CHL1: variants seen among roughly 807,000 people sequenced by gnomAD.
CHL1 encodes the protein cell adhesion molecule L1 like, also known as neural cell adhesion molecule L1-like protein.
Under a neutral mutation model 141.9 loss-of-function variants are expected in CHL1, and 96 were observed. The observed-to-expected ratio is 0.68, with a 90% CI of 0.57 to 0.80. The LOEUF is 0.80. Ranked by LOEUF, CHL1 falls within the 30% of genes least tolerant of loss-of-function variation. CHL1 has a pLI of 0.00. For synonymous variants in CHL1, 613 were observed against 502.2 expected, an observed-to-expected ratio of 1.22 and a Z score of -2.95; for missense variants, 1,820 against 1,457.2, an observed-to-expected ratio of 1.25 and a Z score of -4.05.
chr3:341,736 G>A (rs910331993), intron 6 of CHL1, among the ~76,000 whole-genome samples, 176 bp from the exon 7 acceptor site: 6 of 152,034 alleles, frequency 3.9e-5, no homozygotes, highest in African/African-American at 1.4e-4. Flanking sequence ...TGCTGTTTTT[G>A]TTTTGTTTTG....
intron 1 of CHL1, among the ~76,000 whole-genome samples, chr3:220,419 G>T (rs1367739290): frequency 3.3e-5 from 5 of 152,070 alleles, no homozygotes; most frequent in African/African-American, 7.2e-5. Flanking sequence ...TAGCATGGGT[G>T]TCCAACCTTT....
intron 1 of CHL1, among the ~76,000 whole-genome samples, chr3:232,629 T>C (rs1328454343): frequency 1.3e-5 from 2 of 151,762 alleles, no homozygotes; most frequent in African/African-American, 4.8e-5. Flanking sequence ...AGTTTCTATT[T>C]GCTCATGAGT....
intron 2 of CHL1, among the ~76,000 whole-genome samples, chr3:257,332 T>C (rs927781757): frequency 2.0e-5 from 3 of 151,438 alleles, no homozygotes; most frequent in African/African-American, 7.3e-5. Context: ...TAACACCATC[T>C]CCTTTTCTTC....
intron 1 of CHL1, among the ~76,000 whole-genome samples, chr3:225,067 G>A (rs2125004030): frequency 6.6e-6 from 1 of 152,312 alleles, no homozygotes; most frequent in South Asian, 2.1e-4. Context: ...TCAGGAGGCA[G>A]AGGCTGCAGT....
chr3:405,635 C>G lies in CHL1; in HGVS notation c.3599C>G (p.Ala1200Gly), dbSNP rs1709485449. The part of the protein sequence containing the change: ...LFSEDGSFIG[A>G]YAGSKEKGSV... ...AGTGAAGATGGATCATTTATTGGTG[C>G]CTACGCTGGATCTAAGGAGAAGGGA... The change falls in exon 28 of 28, where the codon GCC becomes GGC. Residue 1200 changes from alanine to glycine, a missense_variant. Ala to Gly is a moderately conservative substitution (Grantham distance 60, BLOSUM62 0). Coordinates refer to ENST00000256509, the MANE Select transcript of CHL1 (RefSeq NM_006614.4). 1.3e-5 allele frequency: 21 copies of G among 1,613,424 alleles called. No homozygotes were observed. The highest frequency in any genetic ancestry group is 1.7e-5 in the Non-Finnish European group (20 of 1,179,538).
chr3:405,353 C>G, intron 27 of CHL1, 142 bp from the exon 28 acceptor site: 1 of 599,100 alleles, frequency 1.7e-6, no homozygotes, highest in Non-Finnish European at 2.9e-6. Flanking sequence ...GTGGTAGTAT[C>G]ATGTGGGCTT....
chr3:370,911 T>C (rs899680433), intron 15 of CHL1, among the ~76,000 whole-genome samples: 1 of 152,192 alleles, frequency 6.6e-6, no homozygotes, highest in Non-Finnish European at 1.5e-5. Flanking sequence ...AGTTGTGTGG[T>C]TTTGCGTGAG....
chr3:270,573 ATGAGACATCTACCTGT>A (rs1695551291), intron 2 of CHL1, among the ~76,000 whole-genome samples: 1 of 152,224 alleles, frequency 6.6e-6, no homozygotes, highest in Non-Finnish European at 1.5e-5. Flanking sequence ...AACCAAGCTG[ATGAGACATCTACCTGT>A]TGTTCTAGTT....
At chr3:348,258 G>T (rs1289736939) in intron 9 of CHL1, among the ~76,000 whole-genome samples, 1 of 152,142 alleles carries the variant, frequency 6.6e-6, no homozygotes, top group Non-Finnish European at 1.5e-5. Context: ...ATTTATTGGA[G>T]CTTCAGACTC....
rs1242992875 is a variant in CHL1 at position 408,281 on chromosome 3, T to A, written c.*2570T>A. 2 of 152,118 alleles carry A rather than the reference T, an allele frequency of 1.3e-5. No homozygotes were observed. The highest frequency in any genetic ancestry group is 2.9e-5 in the Non-Finnish European group (2 of 67,998). The allele number at this position is 152,118 out of a possible 1,614,324, so 9.4% of individuals were successfully genotyped here. ...TTTACCCTAACTTTCTCTAGTCTAC[T>A]GTCAATATCATTTTAATGTAATTGA... is the stretch of plus-strand genomic sequence containing the variant. On this transcript the variant is annotated 3_prime_UTR_variant, in exon 28 of 28. Transcript: ENST00000256509.
chr3:284,359 A>G (rs1322163931), intron 2 of CHL1, among the ~76,000 whole-genome samples: 1 of 152,208 alleles, frequency 6.6e-6, no homozygotes, highest in East Asian at 1.9e-4. Context: ...TATGAGGTTT[A>G]TGCTAGGAGT....
chr3:362,497 A>G (rs1467609355), intron 13 of CHL1, among the ~76,000 whole-genome samples: 1 of 152,008 alleles, frequency 6.6e-6, no homozygotes, highest in Non-Finnish European at 1.5e-5. Context: ...TTGAAATATT[A>G]TTTACCTTGC....
chr3:338,953 A>G (rs1203382559), intron 5 of CHL1, among the ~76,000 whole-genome samples: 1 of 152,182 alleles, frequency 6.6e-6, no homozygotes, highest in Non-Finnish European at 1.5e-5. Flanking sequence ...TATACATCTT[A>G]TTAATTAACT....
rs1318213726 is a variant in CHL1 at position 407,840 on chromosome 3, C to T, written c.*2129C>T. 1 of 152,156 alleles carries T rather than the reference C, an allele frequency of 6.6e-6. No individual in the cohort carries two copies. The highest frequency in any genetic ancestry group is 1.5e-5 in the Non-Finnish European group (1 of 68,018). 9.4% of individuals were successfully genotyped at this position (152,156 alleles called of 1,614,324 possible). A position where few individuals can be genotyped will look rare whatever the true frequency, so the allele number is the denominator to read the frequency against. On this transcript the variant is annotated 3_prime_UTR_variant, in exon 28 of 28. Coordinates refer to ENST00000256509, the MANE Select transcript of CHL1 (RefSeq NM_006614.4). ...TGAAATATTAGCTCTTCCTACACTT[C>T]GTGTTCCCCTTTAGCTGCCTGAAAA... is the stretch of plus-strand genomic sequence containing the variant.
chr3:221,877 G>A (rs1412311409), intron 1 of CHL1, among the ~76,000 whole-genome samples: 1 of 152,150 alleles, frequency 6.6e-6, no homozygotes, highest in Non-Finnish European at 1.5e-5. Context: ...TATTGTATGT[G>A]TTCAGTAAAA....
chr3:370,123 G>A (rs1044295760), intron 15 of CHL1, among the ~76,000 whole-genome samples: 1 of 152,122 alleles, frequency 6.6e-6, no homozygotes, highest in African/African-American at 2.4e-5. Flanking sequence ...AAATTATTTA[G>A]GGACGAGTCC....
chr3:401,788 G>T (rs1468630887), intron 27 of CHL1, 90 bp downstream of exon 27: 3 of 749,280 alleles, frequency 4.0e-6, no homozygotes, highest in Admixed American at 2.9e-5. Flanking sequence ...TTAATAAAAA[G>T]GTTACATAAC....
rs1359640997 is a variant in CHL1, at chr3:382,655, T to G, written c.2160T>G (p.His720Gln). 6.2e-7 allele frequency: 1 copy of G among 1,613,564 alleles called. No homozygotes were observed. The highest frequency in any genetic ancestry group is 8.5e-7 in the Non-Finnish European group (1 of 1,179,756). ...RSQPSQPSDHHETPPAAPDRN... is the reference protein window; with the variant it reads ...RSQPSQPSDHQETPPAAPDRN... ...AGCCTAGCCAGCCGTCAGACCATCA[T>G]GAAACACCACCAGCAGGTATGCAGG... Residue 720 changes from histidine to glutamine, a missense_variant, in exon 18 of 28, where the codon CAT (histidine) becomes CAG (glutamine). Transcript: ENST00000256509.
intron 27 of CHL1, among the ~76,000 whole-genome samples, chr3:402,490 C>G (rs1709222183): frequency 6.6e-6 from 1 of 152,150 alleles, no homozygotes; most frequent in South Asian, 2.1e-4. Context: ...CTCAGGTCTC[C>G]TGTATATTTC....
Sources: gnomAD v4.1 joint callset for allele counts (sites outside exome capture counted in the v4.1 genomes callset) on GRCh38, gnomAD v4.1.1 for gene constraint, MANE v1.5 for transcripts, NCBI Gene and HGNC (gene_info 2026-07-23, HGNC 2026-07-21) for gene names.